PDE3A: variants seen among roughly 807,000 people sequenced by gnomAD.
The protein encoded by PDE3A is phosphodiesterase 3A.
Under a neutral mutation model 98.3 loss-of-function variants are expected in PDE3A, and 43 were observed. That is an observed-to-expected ratio of 0.44 (90% CI 0.34 to 0.56). The LOEUF (loss-of-function observed/expected upper bound fraction) is 0.56, where lower values mean the gene tolerates loss of function less well. PDE3A is among the 20% of genes least tolerant of loss of function. PDE3A has a pLI of 0.01. For synonymous variants in PDE3A, 663 were observed against 567.9 expected (o/e 1.17, Z -2.38); for missense variants, 1,427 against 1,440.7 (o/e 0.99, Z 0.15).
At chr12:20,598,603 A>C (rs1332720784) in intron 2 of PDE3A, among the ~76,000 whole-genome samples, 1 of 152,220 alleles carries the variant, frequency 6.6e-6, no homozygotes, top group Non-Finnish European at 1.5e-5. Context: ...TCAAAGGGGA[A>C]CATTTTCTTA....
intron 1 of PDE3A, among the ~76,000 whole-genome samples, chr12:20,437,975 T>TTG (rs1944806634): frequency 6.6e-6 from 1 of 151,624 alleles, no homozygotes; most frequent in Admixed American, 6.6e-5. Flanking sequence ...AAAAAGGATT[T>TTG]TTTTTTTCCA....
chr12:20,438,558 C>T (rs910858616), intron 1 of PDE3A, among the ~76,000 whole-genome samples: 1 of 152,150 alleles, frequency 6.6e-6, no homozygotes, highest in African/African-American at 2.4e-5. Context: ...CAGGCACATA[C>T]TGTGAAGTAG....
At chr12:20,449,011 A>G (rs1249457829) in intron 1 of PDE3A, among the ~76,000 whole-genome samples, 1 of 152,172 alleles carries the variant, frequency 6.6e-6, no homozygotes. Context: ...CCTTCTTAAC[A>G]TATGCATTTA....
chr12:20,635,163 G>A, intron 8 of PDE3A, 107 bp downstream of exon 8: 2 of 981,896 alleles, frequency 2.0e-6, no homozygotes, highest in Non-Finnish European at 3.0e-6. Context: ...GCTCACACCT[G>A]TAATCCCAAC....
At chr12:20,540,416 T>G (rs1164258536) in intron 1 of PDE3A, among the ~76,000 whole-genome samples, 1 of 152,154 alleles carries the variant, frequency 6.6e-6, no homozygotes, top group African/African-American at 2.4e-5. Flanking sequence ...GTTGTTATTA[T>G]ACTTTGCATA....
intron 1 of PDE3A, among the ~76,000 whole-genome samples, chr12:20,533,482 T>C (rs1047248890): frequency 6.7e-6 from 1 of 149,936 alleles, no homozygotes; most frequent in African/African-American, 2.4e-5. Flanking sequence ...CTTTTTCTTT[T>C]TTTTTTTTTT....
intron 4 of PDE3A, among the ~76,000 whole-genome samples, chr12:20,618,812 G>A (rs1387965132): frequency 6.6e-6 from 1 of 152,082 alleles, no homozygotes; most frequent in Non-Finnish European, 1.5e-5. Context: ...ACCCCTGCCT[G>A]TGTATTCAGG....
chr12:20,655,465 G>C (rs1335371413), intron 15 of PDE3A, among the ~76,000 whole-genome samples: 1 of 152,158 alleles, frequency 6.6e-6, no homozygotes, highest in African/African-American at 2.4e-5. Flanking sequence ...CTGTCCAAGG[G>C]AGAGAATACA....
intron 2 of PDE3A, among the ~76,000 whole-genome samples, chr12:20,581,435 A>G (rs998209355): frequency 1.3e-5 from 2 of 152,164 alleles, no homozygotes; most frequent in Non-Finnish European, 2.9e-5. Context: ...AACATGCTTC[A>G]CAGCTTAGAA....
chr12:20,452,459 T>A (rs1443344042), intron 1 of PDE3A, among the ~76,000 whole-genome samples: 1 of 152,230 alleles, frequency 6.6e-6, no homozygotes, highest in Non-Finnish European at 1.5e-5. Context: ...TCCTTTGCAA[T>A]GTGTCTCCAA....
intron 1 of PDE3A, among the ~76,000 whole-genome samples, chr12:20,542,166 A>C (rs1006397365): frequency 6.6e-6 from 1 of 152,068 alleles, no homozygotes; most frequent in Non-Finnish European, 1.5e-5. Flanking sequence ...GCACTTATGA[A>C]AACTTCATTG....
chr12:20,369,679 C>A lies in PDE3A; in HGVS notation c.395C>A (p.Pro132His), dbSNP rs1238834445. 3 of 1,609,806 alleles carry A rather than the reference C, an allele frequency of 1.9e-6. No homozygotes were observed. Among genetic ancestry groups the A allele is most frequent in the Non-Finnish European group, 1.7e-6 (2 of 1,178,824 alleles). The stretch of plus-strand genomic sequence containing the variant: ...GCGCGGCTCAGCCCCTGGCTGCAGC[C>A]CTCGGCGCTGCTCTTCAGTCTCCTG... ...GGARLSPWLQ[P>H]SALLFSLLCA... Residue 132 changes from proline to histidine, a missense_variant, in exon 1 of 16, where the codon CCC becomes CAC. Physicochemically the swap from Pro to His is moderately conservative, Grantham distance 77. Around this residue, in one of 3 missense-constraint regions of PDE3A, gnomAD observed 1,012 missense variants for 886.5 expected, o/e 1.14. Coordinates refer to ENST00000359062, the MANE Select transcript of PDE3A (RefSeq NM_000921.5).
intron 2 of PDE3A, among the ~76,000 whole-genome samples, chr12:20,589,654 G>A (rs916539703): frequency 3.3e-5 from 5 of 151,830 alleles, no homozygotes; most frequent in Non-Finnish European, 2.9e-5. Flanking sequence ...AGATCACGAG[G>A]TCAGGAGATC....
rs185960606 is a variant in PDE3A at position 20,683,919 on chromosome 12, G to T, written c.*3648G>T. 112 of 152,186 alleles carry T rather than the reference G, an allele frequency of 7.4e-4. No homozygotes were observed. Among genetic ancestry groups the T allele is most frequent in the African/African-American group, 2.5e-3 (103 of 41,528 alleles). The allele number at this position is 152,186 out of a possible 1,614,324, so 9.4% of individuals were successfully genotyped here. On this transcript the variant is annotated 3_prime_UTR_variant, in exon 16 of 16. Coordinates refer to ENST00000359062, the MANE Select transcript of PDE3A (RefSeq NM_000921.5). ...TTAGATGTATGTAGACTGTTAATTT[G>T]CAATTTCCCCATATTTCCTGCCTAT...
intron 1 of PDE3A, among the ~76,000 whole-genome samples, chr12:20,519,759 T>C (rs75910777): frequency 0.033 from 4,963 of 152,236 alleles, 120 homozygotes; most frequent in Middle Eastern, 0.065. Context: ...TGATTGATTT[T>C]CTCAGTCCTG....
At chr12:20,406,144 C>T (rs1944229105) in intron 1 of PDE3A, among the ~76,000 whole-genome samples, 1 of 152,114 alleles carries the variant, frequency 6.6e-6, no homozygotes, top group African/African-American at 2.4e-5. Flanking sequence ...TTGTTGAACA[C>T]TTAGGTTGTT....
chr12:20,608,768 C>T (rs1194298721), intron 2 of PDE3A, among the ~76,000 whole-genome samples: 3 of 151,988 alleles, frequency 2.0e-5, no homozygotes, highest in African/African-American at 7.2e-5. Flanking sequence ...TTGTAATTCT[C>T]ATGAACATGT....
chr12:20,637,016 A>C, intron 8 of PDE3A, 84 bp from the exon 9 acceptor site: 1 of 845,284 alleles, frequency 1.2e-6, no homozygotes, highest in South Asian at 2.5e-5. Context: ...CGATAGCCAC[A>C]GTTGTTATTG....
intron 15 of PDE3A, among the ~76,000 whole-genome samples, chr12:20,655,456 T>G (rs1009079487): frequency 1.3e-4 from 20 of 152,160 alleles, no homozygotes; most frequent in African/African-American, 4.6e-4. Context: ...GGGAACGAAC[T>G]GTCCAAGGGA....
Sources: gnomAD v4.1 joint callset for allele counts (sites outside exome capture counted in the v4.1 genomes callset) on GRCh38, gnomAD v4.1.1 for gene constraint, gnomAD v4.1.1 regional missense constraint, MANE v1.5 for transcripts, NCBI Gene and HGNC (gene_info 2026-07-23, HGNC 2026-07-21) for gene names.